TRIM2: variants seen among roughly 807,000 people sequenced by gnomAD.
The protein encoded by TRIM2 is tripartite motif-containing protein 2.
Under a neutral mutation model 75.2 loss-of-function variants are expected in TRIM2, and 20 were observed. The ratio of observed to expected loss-of-function variants is 0.27; its 90% CI spans 0.19 to 0.39. The LOEUF is 0.39. TRIM2 is among the 10% of genes least tolerant of loss of function. The pLI, the probability that TRIM2 is intolerant of heterozygous loss-of-function variation, is 1.00. For synonymous variants in TRIM2, 373 were observed against 388.3 expected, an observed-to-expected ratio of 0.96 and a Z score of 0.46; for missense variants, 660 against 990.8, an observed-to-expected ratio of 0.67 and a Z score of 4.48.
chr4:153,251,085 A>G (rs1028918161), intron 1 of TRIM2, among the ~76,000 whole-genome samples: 2 of 152,238 alleles, frequency 1.3e-5, no homozygotes, highest in South Asian at 4.1e-4. Flanking sequence ...CCAATAGGTT[A>G]AGGCCAACTT....
intron 6 of TRIM2, among the ~76,000 whole-genome samples, chr4:153,307,062 G>A (rs1200726127): frequency 2.0e-5 from 3 of 152,134 alleles, no homozygotes; most frequent in African/African-American, 7.2e-5. Flanking sequence ...CTGTGAGTGA[G>A]TTATTACATT....
At chr4:153,291,330 C>T (rs186198752) in intron 3 of TRIM2, among the ~76,000 whole-genome samples, 151 of 152,182 alleles carry the variant, frequency 9.9e-4, no homozygotes, top group African/African-American at 3.0e-3. Flanking sequence ...ACATGCCACC[C>T]GAATCATGGC....
At position 153,334,555 on chromosome 4, in the gene TRIM2, T is replaced by C. The variant is rs76285878; in HGVS notation, c.2164-259T>C. Among the ~76,000 whole-genome samples the C allele has an allele frequency of 3.7e-3, 565 of 152,172 alleles. 3 individuals carry two copies. Among genetic ancestry groups the C allele is most frequent in the African/African-American group, 0.013 (534 of 41,512 alleles). On this transcript the variant is annotated intron_variant, in intron 11 of 11. Transcript: ENST00000338700. The stretch of plus-strand genomic sequence containing the variant: ...TGCTAATGTTTTAAATATAAAAGCA[T>C]ATATACTGGGCATGGTGGCTCATGG...
At chr4:153,197,497 GC>G (rs1314254046) in intron 1 of TRIM2, among the ~76,000 whole-genome samples, 1 of 152,104 alleles carries the variant, frequency 6.6e-6, no homozygotes, top group African/African-American at 2.4e-5. Context: ...TGAAATCCCA[GC>G]CCCCAAGGTG....
At chr4:153,214,619 G>T (rs1471827022) in intron 1 of TRIM2, among the ~76,000 whole-genome samples, 1 of 152,094 alleles carries the variant, frequency 6.6e-6, no homozygotes, top group Non-Finnish European at 1.5e-5. Flanking sequence ...AGCAACTAAG[G>T]TTTATGTTGC....
In TRIM2 at chr4:153,334,968, G is replaced by A; in HGVS notation, c.*2G>A. 6.2e-7 allele frequency: 1 copy of A among 1,610,460 alleles called. No individual in the cohort carries two copies. The highest frequency in any genetic ancestry group is 8.5e-7 in the Non-Finnish European group (1 of 1,177,668). ...AAAGTCTATCGATACTTACAGTAAT[G>A]GTGGGCAGGTGGATACCCGCTTCCA... On this transcript the variant is annotated 3_prime_UTR_variant, in exon 12 of 12. Transcript: ENST00000338700.
At chr4:153,292,960 A>C in intron 3 of TRIM2, 22 bp from the exon 4 acceptor site, 2 of 1,585,254 alleles carry the variant, frequency 1.3e-6, no homozygotes, top group Non-Finnish European at 1.7e-6. Context: ...AGAACCAGGA[A>C]CTTTTCTTGT....
chr4:153,298,369 T>C (rs1034773479), intron 6 of TRIM2, among the ~76,000 whole-genome samples: 1 of 152,190 alleles, frequency 6.6e-6, no homozygotes, highest in African/African-American at 2.4e-5. Flanking sequence ...ATCCAGGTGC[T>C]GGGAGGGTGG....
At chr4:153,307,739 G>T in intron 6 of TRIM2, 1 of 629,940 alleles carries the variant, frequency 1.6e-6, no homozygotes, top group Non-Finnish European at 3.0e-6. Context: ...CACCATTTCT[G>T]GACGCTCGTG....
At chr4:153,191,563 ACAGT>A (rs1733192043) in intron 1 of TRIM2, among the ~76,000 whole-genome samples, 1 of 152,258 alleles carries the variant, frequency 6.6e-6, no homozygotes, top group Admixed American at 6.5e-5. Context: ...CAGAAATCAG[ACAGT>A]CTGTGCTTTC....
intron 1 of TRIM2, among the ~76,000 whole-genome samples, chr4:153,199,106 A>G (rs1734059235): frequency 6.6e-6 from 1 of 152,218 alleles, no homozygotes; most frequent in Admixed American, 6.5e-5. Flanking sequence ...TATGATGATC[A>G]GGAAAGAAAT....
At chr4:153,249,885 C>T (rs1267781183) in intron 1 of TRIM2, among the ~76,000 whole-genome samples, 3 of 152,150 alleles carry the variant, frequency 2.0e-5, no homozygotes, top group Non-Finnish European at 2.9e-5. Context: ...AATCAGGAAC[C>T]CATAGTTAGC....
At chr4:153,333,228 C>T (rs1467473584) in intron 11 of TRIM2, among the ~76,000 whole-genome samples, 3 of 152,086 alleles carry the variant, frequency 2.0e-5, no homozygotes, top group African/African-American at 7.2e-5. Context: ...CAGAAGGTTA[C>T]ATACTATATG....
At chr4:153,205,105 G>T (rs1035590926) in intron 1 of TRIM2, among the ~76,000 whole-genome samples, 10 of 152,190 alleles carry the variant, frequency 6.6e-5, no homozygotes, top group African/African-American at 9.6e-5. Flanking sequence ...CCATAAAAGT[G>T]CTCAAAGGGT....
intron 1 of TRIM2, among the ~76,000 whole-genome samples, chr4:153,221,808 A>ATGGG (rs1553966383): frequency 1.0e-5 from 1 of 100,078 alleles, no homozygotes; most frequent in Non-Finnish European, 1.9e-5. Flanking sequence ...GCGAGGAAGG[A>ATGGG]AGGGAGGGAG....
intron 1 of TRIM2, among the ~76,000 whole-genome samples, chr4:153,221,344 C>T (rs1353103712): frequency 2.0e-5 from 3 of 152,138 alleles, no homozygotes; most frequent in African/African-American, 7.2e-5. Context: ...GTGAAGATCG[C>T]TTGAGCCCAG....
intron 6 of TRIM2, chr4:153,309,962 G>T (rs75998961): frequency 6.6e-6 from 1 of 152,182 alleles, no homozygotes; most frequent in African/African-American, 2.4e-5. Context: ...AGTGGGTGGT[G>T]AGAGGAAATC....
chr4:153,264,331 A>G (rs562320707), intron 1 of TRIM2, among the ~76,000 whole-genome samples: 3 of 152,192 alleles, frequency 2.0e-5, no homozygotes, highest in African/African-American at 4.8e-5. Flanking sequence ...CTTTTTGTCA[A>G]TGTGTCTGAT....
Position 153,214,013 on chromosome 4 carries a change from A to G in TRIM2, c.30+9453A>G, listed in dbSNP as rs114549280. Among the ~76,000 whole-genome samples the G allele has an allele frequency of 1.0e-3, 158 of 152,008 alleles. 1 individual carries two copies. The highest frequency in any genetic ancestry group is 3.6e-3 in the African/African-American group (151 of 41,410). ...AGGAAAAAAGAAAAAAAAAAAGTGG[A>G]TGGGCTGGCATTGAAACCCAGAGCT... On this transcript the variant is annotated intron_variant, in intron 1 of 11. Transcript: ENST00000338700.
Sources: gnomAD v4.1 joint callset for allele counts (sites outside exome capture counted in the v4.1 genomes callset) on GRCh38, gnomAD v4.1.1 for gene constraint, MANE v1.5 for transcripts, NCBI Gene and HGNC (gene_info 2026-07-23, HGNC 2026-07-21) for gene names.